The following POT1 variants were observed in gnomAD, a reference collection of about 807,000 sequenced individuals.
POT1 encodes protection of telomeres protein 1.
In POT1, 47 loss-of-function variants were observed where a neutral mutation model predicts 78.5. The ratio of observed to expected loss-of-function variants is 0.60; its 90% CI spans 0.47 to 0.76. POT1 has a LOEUF of 0.76. Ranked by LOEUF, POT1 falls within the 30% of genes least tolerant of loss-of-function variation. The pLI is 0.00. For synonymous variants in POT1, 259 were observed against 260.7 expected (o/e 0.99, Z 0.06); for missense variants, 646 against 749.9 (o/e 0.86, Z 1.62).
chr7:124,829,730 A>C (rs1794717018), intron 15 of POT1, among the ~76,000 whole-genome samples: 1 of 151,296 alleles, frequency 6.6e-6, no homozygotes, highest in South Asian at 2.1e-4. Flanking sequence ...CTATATCTAT[A>C]TATATATATT....
At chr7:124,925,020 A>G (rs1028138025) in intron 2 of POT1, among the ~76,000 whole-genome samples, 1 of 152,128 alleles carries the variant, frequency 6.6e-6, no homozygotes, top group Non-Finnish European at 1.5e-5. Context: ...TGAATTGGGG[A>G]AAAGTTGAAA....
intron 2 of POT1, among the ~76,000 whole-genome samples, chr7:124,924,812 G>A (rs1279335651): frequency 3.3e-5 from 5 of 152,012 alleles, no homozygotes; most frequent in South Asian, 2.1e-4. Context: ...TTCAACATAC[G>A]CAAATCAGTA....
chr7:124,851,887 C>T lies in POT1; in HGVS notation c.934G>A (p.Asp312Asn). 2 of 1,608,708 alleles carry T rather than the reference C, an allele frequency of 1.2e-6. No homozygotes were observed. The highest frequency in any genetic ancestry group is 1.7e-6 in the Non-Finnish European group (2 of 1,175,434). The change falls in exon 11 of 19, where the codon GAC (aspartate) becomes AAC (asparagine). Residue 312 changes from aspartate to asparagine, a missense_variant. Coordinates refer to ENST00000357628, the MANE Select transcript of POT1 (RefSeq NM_015450.3). The stretch of plus-strand genomic sequence containing the variant: ...TTATCCTTACTTGGAAAGCTGTCGT[C>T]AGGTTCTGATTGACAGATAACATCT... Reference protein sequence around the residue: ...HSDVICQSEPDDSFPSSGSVS... With the variant: ...HSDVICQSEPNDSFPSSGSVS...
chr7:124,873,367 C>T (rs1382558114), intron 6 of POT1, among the ~76,000 whole-genome samples: 2 of 152,114 alleles, frequency 1.3e-5, no homozygotes, highest in Admixed American at 6.5e-5. Flanking sequence ...TTAAAATGAT[C>T]ATATAATTTT....
rs1245805221 is a variant in POT1 at position 124,842,838 on chromosome 7, C to G, written c.1132G>C (p.Val378Leu). ...SYKPRRLFQS[V>L]KLHCPKCHLL... ...TGACATTTAGGGCAATGAAGTTTAACAGACTGAAATAGTCTTCTGGGCTTA... is the reference window on the plus strand; with the variant it reads ...TGACATTTAGGGCAATGAAGTTTAAGAGACTGAAATAGTCTTCTGGGCTTA... Residue 378 changes from valine to leucine, a missense_variant, in exon 13 of 19, where the codon GTT becomes CTT. Coordinates refer to ENST00000357628, the MANE Select transcript of POT1 (RefSeq NM_015450.3). The G allele has an allele frequency of 6.2e-7, 1 of 1,600,102 alleles. No individual in the cohort carries two copies. Among genetic ancestry groups the G allele is most frequent in the African/African-American group, 1.3e-5 (1 of 74,132 alleles).
intron 14 of POT1, 23 bp from the exon 15 acceptor site, chr7:124,835,437 C>T (rs1347501585): frequency 3.7e-6 from 6 of 1,605,514 alleles, no homozygotes; most frequent in Non-Finnish European, 4.3e-6. Context: ...TAAATAAATC[C>T]TTCAAGTAGT....
Position 124,825,239 on chromosome 7 carries a change from T to TA in POT1, c.1792+12dup. Reference sequence around the variant, plus strand: ...TAAAAGAAGTGTGGGATTGTTAAAATATTCTTGCCTACCAATTTTTATTCC... The same window carrying TA: ...TAAAAGAAGTGTGGGATTGTTAAAATAATTCTTGCCTACCAATTTTTATTCC... On this transcript the variant is annotated intron_variant, in intron 18 of 18. Coordinates refer to ENST00000357628, the MANE Select transcript of POT1 (RefSeq NM_015450.3). 6.4e-7 allele frequency: 1 copy of TA among 1,558,774 alleles called. No individual in the cohort carries two copies. Among genetic ancestry groups the TA allele is most frequent in the Middle Eastern group, 1.7e-4 (1 of 5,922 alleles).
At chr7:124,846,162 G>GACATACACACAC (rs1554421675) in intron 12 of POT1, among the ~76,000 whole-genome samples, 3 of 148,718 alleles carry the variant, frequency 2.0e-5, no homozygotes, top group Non-Finnish European at 4.5e-5. Context: ...CATTCATACT[G>GACATACACACAC]ACACACACAC....
chr7:124,838,833 G>C (rs557089203), intron 14 of POT1, among the ~76,000 whole-genome samples: 3 of 152,046 alleles, frequency 2.0e-5, no homozygotes, highest in Admixed American at 6.6e-5. Flanking sequence ...TCGAACTCCC[G>C]ACCTCAGGTG....
At position 124,899,824 on chromosome 7, in the gene POT1, T is replaced by TA. The variant is rs1240243069; in HGVS notation, c.-153-1451dup. On this transcript the variant is annotated intron_variant, in intron 3 of 18. Coordinates refer to ENST00000357628, the MANE Select transcript of POT1 (RefSeq NM_015450.3). ...AATATTATACACCAAATGCAAATGT[T>TA]AGAGTACAGATGACCATTTTTTTTC... Among the ~76,000 whole-genome samples, 25 of 152,314 alleles carry TA rather than the reference T, an allele frequency of 1.6e-4. 1 individual carries two copies. Among genetic ancestry groups the TA allele is most frequent in the Non-Finnish European group, 2.4e-4 (16 of 68,004 alleles).
At chr7:124,898,499 G>A (rs1796546491) in intron 3 of POT1, 125 bp from the exon 4 acceptor site, 1 of 152,002 alleles carries the variant, frequency 6.6e-6, no homozygotes, top group Admixed American at 6.6e-5. Context: ...TAGAAAACTG[G>A]TTAACCTAAA....
intron 3 of POT1, among the ~76,000 whole-genome samples, chr7:124,902,309 C>G (rs1410860350): frequency 2.6e-5 from 4 of 152,168 alleles, no homozygotes; most frequent in African/African-American, 9.7e-5. Flanking sequence ...GGAAGCCCAT[C>G]AGACTAATAG....
At chr7:124,862,258 AGAATTT>A (rs1264290346) in intron 8 of POT1, among the ~76,000 whole-genome samples, 1 of 152,190 alleles carries the variant, frequency 6.6e-6, no homozygotes, top group African/African-American at 2.4e-5. Flanking sequence ...ATTTTATCTT[AGAATTT>A]AAGAATTTTC....
At chr7:124,869,400 T>C (rs575888593) in intron 7 of POT1, among the ~76,000 whole-genome samples, 1 of 152,264 alleles carries the variant, frequency 6.6e-6, no homozygotes, top group Non-Finnish European at 1.5e-5. Context: ...TTGTGAATGA[T>C]GAGATGTTTA....
intron 12 of POT1, among the ~76,000 whole-genome samples, chr7:124,846,607 G>A (rs573409255): frequency 6.8e-6 from 1 of 146,852 alleles, no homozygotes; most frequent in East Asian, 2.0e-4. Context: ...AAAGATATGT[G>A]TCTTTACATT....
chr7:124,928,813 A>T lies in POT1; in HGVS notation c.-227+2T>A. The T allele has an allele frequency of 1.3e-5, 2 of 152,748 alleles. No individual in the cohort carries two copies. The highest frequency in any genetic ancestry group is 6.8e-3 in the Middle Eastern group (2 of 294). The allele number at this position is 152,748 out of a possible 1,614,324, so 9.5% of individuals were successfully genotyped here. On this transcript the variant is annotated splice_donor_variant, in intron 2 of 18. Coordinates refer to ENST00000357628, the MANE Select transcript of POT1 (RefSeq NM_015450.3). LOFTEE classifies it low-confidence loss of function (5UTR_SPLICE). ...AGCATTCTGAGTTATAGAAATTCTT[A>T]CCTGAATATATTTCTTGCTATAATT...
At chr7:124,887,119 A>C (rs1290983590) in intron 6 of POT1, among the ~76,000 whole-genome samples, 1 of 152,112 alleles carries the variant, frequency 6.6e-6, no homozygotes, top group Non-Finnish European at 1.5e-5. Context: ...CATTTGAAGA[A>C]AATTGATGGG....
intron 2 of POT1, among the ~76,000 whole-genome samples, chr7:124,917,361 T>C (rs945795836): frequency 1.3e-5 from 2 of 152,104 alleles, no homozygotes; most frequent in African/African-American, 4.8e-5. Flanking sequence ...TCGTCAACCA[T>C]CTCCGATCCT....
At chr7:124,920,866 A>G (rs893276050) in intron 2 of POT1, among the ~76,000 whole-genome samples, 7 of 152,098 alleles carry the variant, frequency 4.6e-5, no homozygotes, top group African/African-American at 1.7e-4. Context: ...TCAAGGTGGG[A>G]GGATTGCTTG....
Sources: gnomAD v4.1 joint callset for allele counts (sites outside exome capture counted in the v4.1 genomes callset) on GRCh38, gnomAD v4.1.1 for gene constraint, MANE v1.5 for transcripts, NCBI Gene and HGNC (gene_info 2026-07-23, HGNC 2026-07-21) for gene names.